RBFOX1: variants seen among roughly 807,000 people sequenced by gnomAD.
The protein encoded by RBFOX1 is RNA binding protein fox-1 homolog 1.
A neutral mutation model predicts 57.7 loss-of-function variants in RBFOX1; 8 were observed. The observed-to-expected ratio is 0.14, with a 90% CI of 0.08 to 0.25. The LOEUF (loss-of-function observed/expected upper bound fraction) is 0.25, where lower values mean the gene tolerates loss of function less well. Among genes scored for constraint, RBFOX1 ranks in the 10% least tolerant of loss-of-function variants. The pLI is 1.00. For missense variants in RBFOX1, 611 were observed against 548.5 expected (o/e 1.11, Z -1.14); for synonymous variants, 326 against 222.4 (o/e 1.47, Z -4.15).
At chr16:6,819,653 C>T (rs2090879369) in intron 3 of RBFOX1, among the ~76,000 whole-genome samples, 1 of 121,444 alleles carries the variant, frequency 8.2e-6, no homozygotes, top group African/African-American at 3.2e-5. Flanking sequence ...TGCAGTGAGC[C>T]AGGATCAAGG....
At chr16:7,620,711 A>G (rs2059179410) in intron 10 of RBFOX1, among the ~76,000 whole-genome samples, 1 of 152,138 alleles carries the variant, frequency 6.6e-6, no homozygotes, top group Admixed American at 6.6e-5. Flanking sequence ...ATGCTGAAGG[A>G]TATGTTTTTA....
chr16:7,171,945 G>C (rs962658321), intron 4 of RBFOX1, among the ~76,000 whole-genome samples: 2 of 152,176 alleles, frequency 1.3e-5, no homozygotes, highest in Middle Eastern at 3.2e-3. Flanking sequence ...GAGGAGATGT[G>C]GGCACGGGGT....
At chr16:6,373,227 G>A (rs1164033864) in intron 2 of RBFOX1, among the ~76,000 whole-genome samples, 4 of 150,664 alleles carry the variant, frequency 2.7e-5, no homozygotes, top group African/African-American at 7.3e-5. Flanking sequence ...AGGATAGTTC[G>A]TTGGGATCAC....
intron 2 of RBFOX1, among the ~76,000 whole-genome samples, chr16:5,597,334 A>G (rs187608924): frequency 7.1e-6 from 1 of 140,276 alleles, no homozygotes; most frequent in Non-Finnish European, 1.5e-5. Flanking sequence ...TGCTTGAGAC[A>G]CACACGACCC....
intron 3 of RBFOX1, among the ~76,000 whole-genome samples, chr16:6,921,636 TATATATA>T (rs1488487382): frequency 3.9e-4 from 24 of 61,908 alleles, no homozygotes; most frequent in African/African-American, 1.3e-3. Flanking sequence ...TATATATATA[TATATATA>T]TATTTTTTTT....
chr16:7,617,567 A>G (rs73490618), intron 10 of RBFOX1, among the ~76,000 whole-genome samples: 1,761 of 152,276 alleles, frequency 0.012, 33 homozygotes, highest in South Asian at 0.097. Flanking sequence ...TGAACCCATG[A>G]CCTTAGCTGG....
chr16:7,361,868 CGTGT>C (rs142358223), intron 4 of RBFOX1, among the ~76,000 whole-genome samples: 2 of 142,864 alleles, frequency 1.4e-5, no homozygotes, highest in Middle Eastern at 3.9e-3. Context: ...TGTGTTAGTG[CGTGT>C]GTTTTGTGTA....
intron 3 of RBFOX1, among the ~76,000 whole-genome samples, chr16:6,865,283 G>A (rs564059535): frequency 2.0e-5 from 3 of 152,004 alleles, no homozygotes; most frequent in Non-Finnish European, 2.9e-5. Flanking sequence ...GATTACAGAC[G>A]TGAGCCACCG....
chr16:5,651,816 C>T (rs141782848), intron 3 of RBFOX1, among the ~76,000 whole-genome samples: 61 of 152,218 alleles, frequency 4.0e-4, no homozygotes, highest in African/African-American at 1.3e-3. Context: ...ATTTGCATAT[C>T]GGTAACAAAG....
At chr16:6,985,692 G>A (rs1254053172) in intron 3 of RBFOX1, among the ~76,000 whole-genome samples, 3 of 152,060 alleles carry the variant, frequency 2.0e-5, no homozygotes, top group African/African-American at 7.2e-5. Flanking sequence ...AAATTAGCCA[G>A]GCATGGTGTC....
In RBFOX1 at chr16:7,508,803, T is replaced by C. The variant is rs879544038; in HGVS notation, c.28-9344T>C. Among the ~76,000 whole-genome samples the C allele has an allele frequency of 5.9e-5, 9 of 152,184 alleles. No individual in the cohort carries two copies. The East Asian group carries it at 1.5e-3, about 26-fold the overall frequency. On this transcript the variant is annotated intron_variant, in intron 4 of 15. Transcript: ENST00000550418. ...CCTCACCTCCTCCTCTGTTATACAA[T>C]TTAATTACAACTTTATTCACTTCAG...
chr16:7,552,743 C>T (rs528595307), intron 5 of RBFOX1, among the ~76,000 whole-genome samples: 1 of 152,224 alleles, frequency 6.6e-6, no homozygotes, highest in Non-Finnish European at 1.5e-5. Context: ...AGTGCAATGG[C>T]GTGATCTCAG....
Position 6,961,934 on chromosome 16 carries a change from C to T in RBFOX1, c.-15-90123C>T, listed in dbSNP as rs969016228. On this transcript the variant is annotated intron_variant, in intron 3 of 15. Coordinates refer to ENST00000550418, the MANE Select transcript of RBFOX1 (RefSeq NM_018723.4). The stretch of plus-strand genomic sequence containing the variant: ...TCAGCAGGGTCTTTATGAGCTGTGT[C>T]TTGTGCAGACCTTCTGTCTCATCCT... Among the ~76,000 whole-genome samples, 3 of 150,314 alleles carry T rather than the reference C, an allele frequency of 2.0e-5. No homozygotes were observed. In the East Asian group the frequency reaches 5.9e-4, roughly 30 times the overall value.
chr16:5,765,346 G>C (rs2053738489), intron 3 of RBFOX1, among the ~76,000 whole-genome samples: 1 of 152,092 alleles, frequency 6.6e-6, no homozygotes, highest in African/African-American at 2.4e-5. Flanking sequence ...TTTCCCAAGG[G>C]AAAAAAGTCA....
At chr16:7,349,531 T>C (rs1804795355) in intron 4 of RBFOX1, among the ~76,000 whole-genome samples, 1 of 151,016 alleles carries the variant, frequency 6.6e-6, no homozygotes, top group African/African-American at 2.4e-5. Flanking sequence ...TTAAAAGACT[T>C]TTTTTTTTCC....
chr16:6,014,147 G>A (rs2094979119), upstream of RBFOX1, among the ~76,000 whole-genome samples: 1 of 152,086 alleles, frequency 6.6e-6, no homozygotes, highest in Admixed American at 6.5e-5. Flanking sequence ...AATCATAATG[G>A]TACTTACACT....
intron 5 of RBFOX1, among the ~76,000 whole-genome samples, chr16:7,552,944 A>G (rs1278341270): frequency 3.3e-5 from 5 of 151,976 alleles, no homozygotes; most frequent in Non-Finnish European, 7.4e-5. Context: ...CGGACTCCCA[A>G]AGCACTGGGA....
intron 3 of RBFOX1, among the ~76,000 whole-genome samples, chr16:5,732,355 T>C (rs981348431): frequency 6.6e-6 from 1 of 152,174 alleles, no homozygotes; most frequent in African/African-American, 2.4e-5. Flanking sequence ...CAACAATGAC[T>C]GCCGGACTGA....
chr16:5,866,410 G>A (rs1424939524), intron 3 of RBFOX1, among the ~76,000 whole-genome samples: 1 of 152,194 alleles, frequency 6.6e-6, no homozygotes, highest in African/African-American at 2.4e-5. Context: ...GAATTTTGGG[G>A]ACATAGCTCA....
Sources: allele counts gnomAD v4.1 joint callset (sites outside exome capture counted in the v4.1 genomes callset), GRCh38; gene constraint gnomAD v4.1.1; transcripts MANE v1.5; gene names NCBI Gene and HGNC (gene_info 2026-07-23, HGNC 2026-07-21).